The following CNTNAP5 variants were observed in gnomAD, a reference collection of about 807,000 sequenced individuals.
CNTNAP5 encodes contactin associated protein family member 5, also known as contactin-associated protein-like 5.
A neutral mutation model predicts 150.2 loss-of-function variants in CNTNAP5; 72 were observed. That is an observed-to-expected ratio of 0.48 (90% CI 0.40 to 0.58). The LOEUF (loss-of-function observed/expected upper bound fraction) is 0.58, where lower values mean the gene tolerates loss of function less well. Ranked by LOEUF, CNTNAP5 falls within the 20% of genes least tolerant of loss-of-function variation. The pLI is 0.00. For synonymous variants in CNTNAP5, 672 were observed against 619.8 expected (o/e 1.08, Z -1.25); for missense variants, 1,636 against 1,626.2 (o/e 1.01, Z -0.10).
Position 124,618,991 on chromosome 2 carries a change from A to T in CNTNAP5, c.1876+9071A>T, listed in dbSNP as rs959537343. On this transcript the variant is annotated intron_variant, in intron 12 of 23. Coordinates refer to ENST00000682447, the MANE Select transcript of CNTNAP5 (RefSeq NM_001367498.1). ...TATTTAGAAAATGACCTACTCCAAGATTTAATACAGGTACTCAATTTATAA... is the reference window on the plus strand; with the variant it reads ...TATTTAGAAAATGACCTACTCCAAGTTTTAATACAGGTACTCAATTTATAA... 5.9e-5 allele frequency among the ~76,000 whole-genome samples: 9 copies of T among 152,216 alleles called. No individual in the cohort carries two copies. The South Asian group carries it at 1.4e-3, about 24-fold the overall frequency.
intron 4 of CNTNAP5, among the ~76,000 whole-genome samples, chr2:124,420,518 A>G (rs1371304735): frequency 2.6e-5 from 4 of 152,178 alleles, no homozygotes; most frequent in South Asian, 2.1e-4. Flanking sequence ...GCAGTTTAAC[A>G]TGTCAACTTG....
At chr2:124,259,899 CAT>C (rs1687408537) in intron 3 of CNTNAP5, among the ~76,000 whole-genome samples, 2 of 152,182 alleles carry the variant, frequency 1.3e-5, no homozygotes, top group African/African-American at 4.8e-5. Context: ...ATTCCATGCT[CAT>C]GTGTAGGAAG....
At chr2:124,902,785 A>C (rs1362848831) in intron 21 of CNTNAP5, 97 bp from the exon 22 acceptor site, 8 of 768,436 alleles carry the variant, frequency 1.0e-5, no homozygotes, top group Non-Finnish European at 1.6e-5. Context: ...TAACAAGGTA[A>C]TTTCTGTAAT....
intron 1 of CNTNAP5, among the ~76,000 whole-genome samples, chr2:124,122,167 C>G (rs887133843): frequency 1.3e-5 from 2 of 152,122 alleles, no homozygotes; most frequent in East Asian, 3.9e-4. Flanking sequence ...AAAATTTCCC[C>G]TCATCTTTGC....
At chr2:124,407,544 G>A (rs900013767) in intron 3 of CNTNAP5, among the ~76,000 whole-genome samples, 1 of 152,170 alleles carries the variant, frequency 6.6e-6, no homozygotes, top group African/African-American at 2.4e-5. Context: ...ATAACTCAAT[G>A]AGGTTCAGGT....
chr2:124,677,103 G>A (rs754650481), intron 13 of CNTNAP5, among the ~76,000 whole-genome samples: 1 of 152,154 alleles, frequency 6.6e-6, no homozygotes, highest in Non-Finnish European at 1.5e-5. Flanking sequence ...CTTAAAGATG[G>A]TGTGTCCTGA....
intron 1 of CNTNAP5, among the ~76,000 whole-genome samples, chr2:124,040,267 C>A (rs2104630507): frequency 6.6e-6 from 1 of 152,216 alleles, no homozygotes; most frequent in South Asian, 2.1e-4. Context: ...TTCGGCTTGA[C>A]ATTTCAATAC....
chr2:124,672,017 C>T (rs1678834346), intron 13 of CNTNAP5, among the ~76,000 whole-genome samples: 1 of 152,126 alleles, frequency 6.6e-6, no homozygotes, highest in African/African-American at 2.4e-5. Context: ...GTTAACGATG[C>T]CATCACAGGG....
intron 3 of CNTNAP5, among the ~76,000 whole-genome samples, chr2:124,351,635 GAGAAGCAGAAGGGCAATCATGGA>G (rs1277415360): frequency 6.6e-6 from 1 of 152,166 alleles, no homozygotes; most frequent in Non-Finnish European, 1.5e-5. Context: ...AGACTACAAA[GAGAAGCAGAAGGGCAATCATGGA>G]GAATAAGAAA....
intron 13 of CNTNAP5, among the ~76,000 whole-genome samples, chr2:124,677,476 C>G (rs576172842): frequency 1.9e-4 from 29 of 152,188 alleles, no homozygotes; most frequent in Non-Finnish European, 3.8e-4. Context: ...TATTTGGCCC[C>G]GCCCACATCC....
At chr2:124,105,383 A>G (rs1372553110) in intron 1 of CNTNAP5, among the ~76,000 whole-genome samples, 1 of 152,208 alleles carries the variant, frequency 6.6e-6, no homozygotes, top group African/African-American at 2.4e-5. Flanking sequence ...GAATTAAAAC[A>G]TATGAAAACT....
At chr2:124,532,093 A>G (rs1436938470) in intron 10 of CNTNAP5, among the ~76,000 whole-genome samples, 1 of 152,196 alleles carries the variant, frequency 6.6e-6, no homozygotes, top group African/African-American at 2.4e-5. Flanking sequence ...CCAGTGTAGC[A>G]TTATTAGGTT....
intron 7 of CNTNAP5, 80 bp downstream of exon 7, chr2:124,474,962 C>T: frequency 7.9e-7 from 1 of 1,258,368 alleles, no homozygotes. Context: ...CATTCCTGAA[C>T]CCATTCGTAA....
At chr2:124,083,586 G>T (rs1002452490) in intron 1 of CNTNAP5, among the ~76,000 whole-genome samples, 5 of 151,780 alleles carry the variant, frequency 3.3e-5, no homozygotes, top group Non-Finnish European at 7.4e-5. Context: ...CTACTGAATT[G>T]CTTTTGAGTT....
chr2:124,283,303 C>A (rs987720291), intron 3 of CNTNAP5, among the ~76,000 whole-genome samples: 1 of 152,152 alleles, frequency 6.6e-6, no homozygotes, highest in Non-Finnish European at 1.5e-5. Context: ...TCAGGACACA[C>A]CACAATGGAA....
intron 1 of CNTNAP5, among the ~76,000 whole-genome samples, chr2:124,052,274 C>A (rs966564316): frequency 2.0e-5 from 3 of 152,174 alleles, no homozygotes; most frequent in Non-Finnish European, 4.4e-5. Flanking sequence ...AAAGTCTTTA[C>A]TTCAAGCTAG....
At chr2:124,044,748 T>G (rs1234794959) in intron 1 of CNTNAP5, among the ~76,000 whole-genome samples, 1 of 152,116 alleles carries the variant, frequency 6.6e-6, no homozygotes, top group Non-Finnish European at 1.5e-5. Context: ...TCCTCAACTG[T>G]CATGATGGTG....
intron 19 of CNTNAP5, among the ~76,000 whole-genome samples, chr2:124,825,290 A>G (rs529153241): frequency 2.1e-3 from 321 of 152,278 alleles, no homozygotes; most frequent in African/African-American, 7.5e-3. Context: ...CCTGTTTCCA[A>G]TAGTATTTAT....
intron 8 of CNTNAP5, among the ~76,000 whole-genome samples, chr2:124,517,323 G>C (rs772152964): frequency 1.3e-5 from 2 of 151,544 alleles, no homozygotes; most frequent in African/African-American, 2.4e-5. Context: ...GGTGATGGAG[G>C]GTTGTGGTGT....
Sources: gnomAD v4.1 joint callset for allele counts (sites outside exome capture counted in the v4.1 genomes callset) on GRCh38, gnomAD v4.1.1 for gene constraint, MANE v1.5 for transcripts, NCBI Gene and HGNC (gene_info 2026-07-23, HGNC 2026-07-21) for gene names.